The following MYT1L variants were observed in gnomAD, a reference collection of about 807,000 sequenced individuals.
MYT1L encodes the protein myelin transcription factor 1-like protein.
Under a neutral mutation model 126.7 loss-of-function variants are expected in MYT1L, and 12 were observed. That is an observed-to-expected ratio of 0.09 (90% confidence interval 0.06 to 0.15). The LOEUF (loss-of-function observed/expected upper bound fraction) is 0.15. Ranked by LOEUF, MYT1L falls within the 10% of genes least tolerant of loss-of-function variation. The pLI is 1.00. For synonymous variants in MYT1L, 541 were observed against 604.2 expected (o/e 0.90, Z 1.53); for missense variants, 979 against 1,585.2 (o/e 0.62, Z 6.49).
At chr2:2,200,738 G>C (rs991409611) in intron 2 of MYT1L, among the ~76,000 whole-genome samples, 1 of 152,218 alleles carries the variant, frequency 6.6e-6, no homozygotes, top group Non-Finnish European at 1.5e-5. Flanking sequence ...TGAAAAGGGA[G>C]TTTCTCGAAT....
intron 18 of MYT1L, among the ~76,000 whole-genome samples, chr2:1,857,023 G>C (rs376975840): frequency 6.6e-6 from 1 of 152,310 alleles, no homozygotes; most frequent in East Asian, 1.9e-4. Flanking sequence ...GCAAGTGCAC[G>C]CGGAGGCTCA....
At chr2:2,183,955 G>A (rs1031903135) in intron 2 of MYT1L, among the ~76,000 whole-genome samples, 1 of 147,150 alleles carries the variant, frequency 6.8e-6, no homozygotes, top group Non-Finnish European at 1.5e-5. Context: ...AAGGAAGAAA[G>A]GGAGGGAGGG....
chr2:2,295,741 CAG>C (rs1264676606), intron 1 of MYT1L, among the ~76,000 whole-genome samples: 12 of 27,680 alleles, frequency 4.3e-4, no homozygotes, highest in East Asian at 1.9e-3. Context: ...GACAGACAGA[CAG>C]AGAGAGAGAG....
chr2:2,166,166 A>G (rs2089079142), intron 3 of MYT1L, among the ~76,000 whole-genome samples: 1 of 152,120 alleles, frequency 6.6e-6, no homozygotes, highest in African/African-American at 2.4e-5. Flanking sequence ...TTAATTATCT[A>G]GCCTGCCTCC....
intron 4 of MYT1L, among the ~76,000 whole-genome samples, chr2:2,037,324 G>C (rs1224969565): frequency 3.9e-5 from 6 of 152,226 alleles, no homozygotes; most frequent in African/African-American, 1.2e-4. Flanking sequence ...ACCCAGCACA[G>C]AGCATGGCTG....
At chr2:2,042,147 A>G (rs964521212) in intron 4 of MYT1L, among the ~76,000 whole-genome samples, 1 of 152,216 alleles carries the variant, frequency 6.6e-6, no homozygotes, top group Non-Finnish European at 1.5e-5. Flanking sequence ...CCTGAGGATG[A>G]ACCCCAGATG....
chr2:1,939,975 C>G (rs1017890616), intron 9 of MYT1L, among the ~76,000 whole-genome samples: 1 of 152,226 alleles, frequency 6.6e-6, no homozygotes, highest in Admixed American at 6.5e-5. Context: ...ATCAAACAAG[C>G]CTTCGGTGTC....
At chr2:2,314,653 A>G (rs1337346383) in intron 1 of MYT1L, among the ~76,000 whole-genome samples, 1 of 152,208 alleles carries the variant, frequency 6.6e-6, no homozygotes, top group Non-Finnish European at 1.5e-5. Context: ...GAACCTATCA[A>G]CCCATCACCT....
At chr2:2,209,985 A>T (rs2093446883) in intron 2 of MYT1L, among the ~76,000 whole-genome samples, 1 of 152,172 alleles carries the variant, frequency 6.6e-6, no homozygotes, top group Non-Finnish European at 1.5e-5. Flanking sequence ...AAGCCATTTT[A>T]AGTGGGGTAA....
At position 2,112,830 on chromosome 2, in the gene MYT1L, C is replaced by A. The variant is rs560306156; in HGVS notation, c.-303-58707G>T. On this transcript the variant is annotated intron_variant, in intron 3 of 24. Transcript: ENST00000647738. ...ATTATGAACCTTAATACCATGGCTCCAATATCAGCTCTGAACCATGCAGCC... is the reference window on the plus strand; with the variant it reads ...ATTATGAACCTTAATACCATGGCTCAAATATCAGCTCTGAACCATGCAGCC... 2.6e-5 allele frequency among the ~76,000 whole-genome samples: 4 copies of A among 152,332 alleles called. No homozygotes were observed. In the South Asian group the frequency reaches 8.3e-4, roughly 32 times the overall value.
chr2:2,191,901 T>C lies in MYT1L; in HGVS notation c.-420-18913A>G, dbSNP rs537871987. Among the ~76,000 whole-genome samples the C allele has an allele frequency of 2.6e-5, 4 of 152,320 alleles. No individual in the cohort carries two copies. In the South Asian group the frequency reaches 8.3e-4, roughly 32 times the overall value. ...CACAACCTCCAGCATAGTTTGTTAA[T>C]TTTTTCCTAAATATTTTTCAAAGTT... On this transcript the variant is annotated intron_variant, in intron 2 of 24. Transcript: ENST00000647738.
intron 21 of MYT1L, among the ~76,000 whole-genome samples, chr2:1,822,008 G>A (rs1032956249): frequency 2.0e-5 from 3 of 152,138 alleles, no homozygotes; most frequent in Admixed American, 6.5e-5. Context: ...TCTGTTTTCC[G>A]ACCAACTCTG....
Position 2,241,813 on chromosome 2 carries a change from G to A in MYT1L, c.-421+42591C>T, listed in dbSNP as rs555793945. On this transcript the variant is annotated intron_variant, in intron 2 of 24. Coordinates refer to ENST00000647738, the MANE Select transcript of MYT1L (RefSeq NM_001303052.2). ...CATGGCTGGATGTTGAGGGCATTAC[G>A]CTAAGTGAAAGAGAGCAGTCACAAA... is the stretch of plus-strand genomic sequence containing the variant. Among the ~76,000 whole-genome samples the A allele has an allele frequency of 5.3e-5, 8 of 152,262 alleles. No homozygotes were observed. The South Asian group carries it at 1.2e-3, about 24-fold the overall frequency.
intron 4 of MYT1L, among the ~76,000 whole-genome samples, chr2:2,020,807 C>T (rs893071326): frequency 2.0e-5 from 3 of 152,218 alleles, no homozygotes; most frequent in Non-Finnish European, 4.4e-5. Flanking sequence ...GGATTTTCTC[C>T]TAATCCTTGC....
chr2:2,185,944 C>G (rs539747001), intron 2 of MYT1L, among the ~76,000 whole-genome samples: 2 of 119,692 alleles, frequency 1.7e-5, no homozygotes, highest in East Asian at 2.6e-4. Flanking sequence ...GTGAGGCGGA[C>G]GCAGCCGGGC....
At chr2:2,206,877 A>C (rs2093342174) in intron 2 of MYT1L, among the ~76,000 whole-genome samples, 1 of 152,260 alleles carries the variant, frequency 6.6e-6, no homozygotes, top group Admixed American at 6.5e-5. Flanking sequence ...AATAGCCGCC[A>C]AGCACGGTAC....
chr2:1,873,659 C>A (rs1490981209), intron 18 of MYT1L, among the ~76,000 whole-genome samples: 1 of 152,216 alleles, frequency 6.6e-6, no homozygotes, highest in Non-Finnish European at 1.5e-5. Flanking sequence ...CAGAAAGCCC[C>A]AATCCCAGAC....
intron 21 of MYT1L, among the ~76,000 whole-genome samples, chr2:1,814,765 G>T (rs1301840135): frequency 6.6e-6 from 1 of 152,166 alleles, no homozygotes; most frequent in East Asian, 1.9e-4. Context: ...TTGCAGAATG[G>T]TAGGTGCAGG....
At chr2:1,992,030 C>T (rs2061491363) in intron 5 of MYT1L, among the ~76,000 whole-genome samples, 1 of 152,206 alleles carries the variant, frequency 6.6e-6, no homozygotes, top group African/African-American at 2.4e-5. Context: ...GCCTCTGTCA[C>T]ATCAAGTTCA....
Sources: gnomAD v4.1 joint callset for allele counts (sites outside exome capture counted in the v4.1 genomes callset) on GRCh38, gnomAD v4.1.1 for gene constraint, MANE v1.5 for transcripts, NCBI Gene and HGNC (gene_info 2026-07-23, HGNC 2026-07-21) for gene names.